Variants in NDRG4 observed in about 807,000 individuals in gnomAD.
NDRG4 encodes protein NDRG4.
NDRG4 carries 38 observed loss-of-function variants against 55.8 expected under a neutral mutation model. The ratio of observed to expected loss-of-function variants is 0.68; its 90% CI spans 0.53 to 0.89. The LOEUF is 0.89. Ranked by LOEUF, NDRG4 falls within the 40% of genes least tolerant of loss-of-function variation. The pLI, the probability that NDRG4 is intolerant of heterozygous loss-of-function variation, is 0.00. For missense variants in NDRG4, 455 were observed against 468.6 expected, an observed-to-expected ratio of 0.97 and a Z score of 0.27; for synonymous variants, 190 against 182.7, an observed-to-expected ratio of 1.04 and a Z score of -0.32.
intron 1 of NDRG4, among the ~76,000 whole-genome samples, chr16:58,486,782 G>T (rs1319190586): frequency 3.3e-5 from 5 of 149,878 alleles, no homozygotes; most frequent in Admixed American, 2.0e-4. Flanking sequence ...TTCCTCTGAG[G>T]TTCAGAAACC....
At chr16:58,487,595 C>G (rs1017921858) in intron 1 of NDRG4, among the ~76,000 whole-genome samples, 1 of 152,196 alleles carries the variant, frequency 6.6e-6, no homozygotes, top group African/African-American at 2.4e-5. Context: ...GTCTTGCAGA[C>G]GGAGGCCTGG....
At position 58,512,164 on chromosome 16, in the gene NDRG4, G is replaced by A. The variant is rs763308824; in HGVS notation, c.*588G>A. ...AGGGCCACGCAGGCAGGGGCGTCAA[G>A]GGGTTTCTCTGCCCAAGGAAGACAG... On this transcript the variant is annotated 3_prime_UTR_variant, in exon 15 of 15. Transcript: ENST00000570248. 2.2e-6 allele frequency: 1 copy of A among 453,458 alleles called. No homozygotes were observed. The highest frequency in any genetic ancestry group is 4.4e-6 in the Non-Finnish European group (1 of 225,458). 28.1% of individuals were successfully genotyped at this position (453,458 alleles called of 1,614,324 possible).
At chr16:58,494,244 G>A (rs1002871129) in intron 2 of NDRG4, among the ~76,000 whole-genome samples, 6 of 152,162 alleles carry the variant, frequency 3.9e-5, no homozygotes, top group Non-Finnish European at 7.3e-5. Flanking sequence ...AAGCTCCAGT[G>A]ATCTGAGGCA....
chr16:58,487,260 C>T (rs1034355395), intron 1 of NDRG4, among the ~76,000 whole-genome samples: 24 of 152,212 alleles, frequency 1.6e-4, no homozygotes, highest in Admixed American at 6.5e-5. Context: ...GTGGCTCACA[C>T]CTGAAATCTC....
chr16:58,467,783 G>A (rs1027390832), intron 1 of NDRG4, among the ~76,000 whole-genome samples: 1 of 152,212 alleles, frequency 6.6e-6, no homozygotes, highest in Non-Finnish European at 1.5e-5. Flanking sequence ...TTGGAGATTA[G>A]GTGTGTGAGC....
At chr16:58,506,135 T>C (rs2037944548) in intron 5 of NDRG4, 3 of 402,454 alleles carry the variant, frequency 7.5e-6, no homozygotes, top group East Asian at 3.6e-5. Flanking sequence ...TGAAAGAGCG[T>C]GTGTGTGTGT....
At chr16:58,473,332 CTT>C (rs1208475810) in intron 1 of NDRG4, among the ~76,000 whole-genome samples, 9 of 152,162 alleles carry the variant, frequency 5.9e-5, no homozygotes, top group Admixed American at 5.9e-4. Flanking sequence ...ACCCAGCTGA[CTT>C]TTAAATTTTT....
upstream of NDRG4, chr16:58,495,401 T>G: frequency 5.1e-6 from 1 of 195,300 alleles, no homozygotes; most frequent in South Asian, 1.1e-4. Flanking sequence ...TGTTGCTCAC[T>G]CGGCCAGTCG....
rs558447560 is a variant in NDRG4, at chr16:58,466,006, A to G, written c.-24+2209A>G. ...CCCTGGAGGGAAGGCTTGCGGTTCC[A>G]TGGGTGTTTTGTTTGTTTGTTTTGT... On this transcript the variant is annotated intron_variant, in intron 1 of 15. Transcript: ENST00000258187. Among the ~76,000 whole-genome samples the G allele has an allele frequency of 3.3e-4, 50 of 152,212 alleles. No homozygotes were observed. In the South Asian group the frequency reaches 6.2e-3, roughly 19 times the overall value.
chr16:58,490,956 G>A (rs563209102), intron 2 of NDRG4, among the ~76,000 whole-genome samples: 84 of 151,192 alleles, frequency 5.6e-4, no homozygotes, highest in African/African-American at 2.0e-3. Context: ...CAGCCTGGGC[G>A]ACAGAGCGAG....
Position 58,464,860 on chromosome 16 carries a change from C to G in NDRG4, c.-24+1063C>G, listed in dbSNP as rs2031262604. On this transcript the variant is annotated intron_variant, in intron 1 of 15. Transcript: ENST00000258187. The surrounding 1 kb of genome is among the most constrained non-coding windows in gnomAD (Gnocchi z 4.8). Reference sequence around the variant, plus strand: ...GACCTCTTATTTCTGCGCCCTGTGACAATCTGAGCCGTCTTTCTCTGGGGG... The same window carrying G: ...GACCTCTTATTTCTGCGCCCTGTGAGAATCTGAGCCGTCTTTCTCTGGGGG... 8.3e-7 allele frequency: 1 copy of G among 1,209,988 alleles called. No individual in the cohort carries two copies. The highest frequency in any genetic ancestry group is 1.0e-6 in the Non-Finnish European group (1 of 961,342). The allele number at this position is 1,209,988 out of a possible 1,614,324, so 75.0% of individuals were successfully genotyped here. A position where few individuals can be genotyped will look rare whatever the true frequency, so the allele number is the denominator to read the frequency against.
At position 58,504,598 on chromosome 16, in the gene NDRG4, T is replaced by C. The variant is rs774142300; in HGVS notation, c.321T>C (p.Tyr107=). The C allele has an allele frequency of 6.8e-6, 11 of 1,614,022 alleles. No individual in the cohort carries two copies. In the South Asian group the frequency reaches 1.1e-4, roughly 16 times the overall value. ...GCCTGCTCTGCACCAGGTTCAAGTA[T>C]GTGATTGGCATCGGAGTGGGCGCCG... ...PSVVQHFGFK[Y]VIGIGVGAGA... Residue 107 remains tyrosine, a synonymous_variant, in exon 5 of 15, where the codon TAT becomes TAC. Coordinates refer to ENST00000570248, the MANE Select transcript of NDRG4 (RefSeq NM_001242835.2).
chr16:58,475,413 G>A (rs1471409205), intron 1 of NDRG4, among the ~76,000 whole-genome samples: 1 of 152,170 alleles, frequency 6.6e-6, no homozygotes, highest in African/African-American at 2.4e-5. Flanking sequence ...GAGAGAGGAA[G>A]TTGCAGGTTT....
At chr16:58,500,141 TCA>T in exon 1 of NDRG4, 2 of 1,534,690 alleles carry the variant, frequency 1.3e-6, no homozygotes, top group Non-Finnish European at 1.7e-6. Flanking sequence ...CTGTGCCCCA[TCA>T]CAGAGCCGAC....
chr16:58,477,722 T>A (rs1189443098), intron 1 of NDRG4, among the ~76,000 whole-genome samples: 4 of 135,888 alleles, frequency 2.9e-5, no homozygotes, highest in Non-Finnish European at 4.6e-5. Context: ...ACCACCAAAG[T>A]AATAATTGCT....
At chr16:58,490,893 C>T (rs1023764958) in intron 2 of NDRG4, among the ~76,000 whole-genome samples, 2 of 152,126 alleles carry the variant, frequency 1.3e-5, no homozygotes, top group African/African-American at 4.8e-5. Context: ...AGGAGAATCA[C>T]TTGAACCTGG....
At chr16:58,504,477 G>A (rs556612718) in intron 4 of NDRG4, 56 bp downstream of exon 4, 19 of 1,612,046 alleles carry the variant, frequency 1.2e-5, no homozygotes, top group Non-Finnish European at 1.6e-5. Context: ...CCCAACTGCA[G>A]AGCCACCTGG....
At chr16:58,492,490 G>A (rs1375706773) in intron 2 of NDRG4, among the ~76,000 whole-genome samples, 1 of 494 alleles carries the variant, frequency 2.0e-3, no homozygotes, top group African/African-American at 5.1e-3. Context: ...CTGCTCCACC[G>A]TGTGTGTGTG....
chr16:58,496,554 G>T (rs2036433535), upstream of NDRG4, among the ~76,000 whole-genome samples: 1 of 152,052 alleles, frequency 6.6e-6, no homozygotes, highest in South Asian at 2.1e-4. Context: ...GCAGCCAGTG[G>T]GGGAGGTAGT....
Sources: allele counts gnomAD v4.1 joint callset (sites outside exome capture counted in the v4.1 genomes callset), GRCh38; gene constraint gnomAD v4.1.1; non-coding constraint Gnocchi (gnomAD v3.1); transcripts MANE v1.5; gene names NCBI Gene and HGNC (gene_info 2026-07-23, HGNC 2026-07-21).